LY96: variants seen among roughly 807,000 people sequenced by gnomAD.
LY96 encodes the protein myeloid differentiation protein-2.
A neutral mutation model predicts 18.9 loss-of-function variants in LY96; 18 were observed. The observed-to-expected ratio is 0.95, with a 90% CI of 0.66 to 1.41. The LOEUF is 1.41. Ranked by LOEUF, LY96 falls within the 40% of genes most tolerant of loss-of-function variation. LY96 has a pLI of 0.00. For missense variants in LY96, 175 were observed against 182.4 expected (o/e 0.96, Z 0.23); for synonymous variants, 66 against 62.6 (o/e 1.06, Z -0.26).
intron 3 of LY96, among the ~76,000 whole-genome samples, chr8:74,017,555 C>T (rs1209427666): frequency 6.6e-6 from 1 of 152,106 alleles, no homozygotes; most frequent in Non-Finnish European, 1.5e-5. Flanking sequence ...CAGAGAACAC[C>T]ACAAGGTACT....
the LY96 span, among the ~76,000 whole-genome samples, chr8:74,090,613 T>G: frequency 1.8e-4 from 27 of 152,330 alleles, no homozygotes; most frequent in African/African-American, 5.8e-4. Context: ...TATGCTTAAA[T>G]GGACAGTCTG....
intron 2 of LY96, among the ~76,000 whole-genome samples, chr8:74,005,901 G>T (rs1371549706): frequency 6.6e-6 from 1 of 152,136 alleles, no homozygotes; most frequent in East Asian, 1.9e-4. Context: ...TTTGGAGCTT[G>T]TTTTAGATTA....
At chr8:74,057,778 A>G in the LY96 span, among the ~76,000 whole-genome samples, 1 of 152,194 alleles carries the variant, frequency 6.6e-6, no homozygotes, top group Non-Finnish European at 1.5e-5. Context: ...CCAGGCTCAC[A>G]CCTGCAATTT....
At chr8:74,064,467 T>C in the LY96 span, among the ~76,000 whole-genome samples, 2 of 152,208 alleles carry the variant, frequency 1.3e-5, no homozygotes, top group Admixed American at 1.3e-4. Flanking sequence ...GCTGATTGTT[T>C]ATTTTTAAAA....
chr8:74,030,563 T>C (rs1816953399), downstream of LY96, among the ~76,000 whole-genome samples: 1 of 152,212 alleles, frequency 6.6e-6, no homozygotes, highest in African/African-American at 2.4e-5. Flanking sequence ...CCCCTCTCTC[T>C]ATATAGAGAA....
the LY96 span, among the ~76,000 whole-genome samples, chr8:74,065,001 A>G: frequency 1.3e-5 from 2 of 152,208 alleles, no homozygotes; most frequent in African/African-American, 2.4e-5. Flanking sequence ...CTAAGCCCCC[A>G]ACTGACTGAA....
At chr8:74,047,183 C>T in the LY96 span, among the ~76,000 whole-genome samples, 2 of 152,154 alleles carry the variant, frequency 1.3e-5, no homozygotes, top group Non-Finnish European at 2.9e-5. Flanking sequence ...CCACAGCGCC[C>T]GGCCCTGACC....
At chr8:73,998,757 C>T (rs187879935) in intron 1 of LY96, among the ~76,000 whole-genome samples, 1 of 152,234 alleles carries the variant, frequency 6.6e-6, no homozygotes, top group East Asian at 1.9e-4. Context: ...CTGTAGGACA[C>T]TTTGAATGGT....
At chr8:74,054,617 C>CTTCTTTCTTTCT in the LY96 span, among the ~76,000 whole-genome samples, 4,845 of 70,104 alleles carry the variant, frequency 0.069, 280 homozygotes, top group East Asian at 0.098. Context: ...TTTCCTTTTC[C>CTTCTTTCTTTCT]TTCTTTCTTT....
chr8:74,013,967 G>T (rs1307676244), intron 3 of LY96, among the ~76,000 whole-genome samples: 2 of 152,040 alleles, frequency 1.3e-5, no homozygotes, highest in African/African-American at 4.8e-5. Flanking sequence ...CAGGAGGTGG[G>T]GGTAGGCTGA....
the LY96 span, among the ~76,000 whole-genome samples, chr8:74,062,515 A>G: frequency 2.6e-5 from 4 of 151,888 alleles, no homozygotes; most frequent in East Asian, 1.9e-4. Flanking sequence ...TTGTTCCTGC[A>G]TTAGTTTGCT....
intron 1 of LY96, among the ~76,000 whole-genome samples, chr8:74,003,168 A>G (rs1232827300): frequency 1.3e-5 from 2 of 151,652 alleles, no homozygotes; most frequent in Non-Finnish European, 2.9e-5. Context: ...TTGGCCTCAC[A>G]CAGGAACATA....
At chr8:74,023,713 C>A (rs1816814049) in intron 3 of LY96, among the ~76,000 whole-genome samples, 1 of 152,140 alleles carries the variant, frequency 6.6e-6, no homozygotes, top group Admixed American at 6.6e-5. Flanking sequence ...TTTCCTCTGG[C>A]CAGCTCGAGG....
chr8:74,005,088 G>T (rs1816384789), intron 2 of LY96, among the ~76,000 whole-genome samples: 2 of 152,190 alleles, frequency 1.3e-5, no homozygotes, highest in African/African-American at 4.8e-5. Flanking sequence ...ACCTGTGTCT[G>T]CTTCAAGGTC....
the LY96 span, among the ~76,000 whole-genome samples, chr8:74,062,921 A>G: frequency 9.2e-5 from 14 of 152,364 alleles, no homozygotes; most frequent in African/African-American, 2.6e-4. Context: ...TTAGTTATCT[A>G]TAACAGCATA....
the LY96 span, among the ~76,000 whole-genome samples, chr8:74,041,989 C>G: frequency 6.6e-6 from 1 of 152,132 alleles, no homozygotes; most frequent in Admixed American, 6.5e-5. Flanking sequence ...AGGTGGGCAT[C>G]ATGGTCCTCC....
downstream of LY96, among the ~76,000 whole-genome samples, chr8:74,030,523 C>A (rs921862635): frequency 6.6e-6 from 1 of 152,152 alleles, no homozygotes; most frequent in African/African-American, 2.4e-5. Flanking sequence ...TTTATAGAAA[C>A]AAAAGGATGG....
chr8:74,038,924 G>A, the LY96 span, among the ~76,000 whole-genome samples: 2 of 152,140 alleles, frequency 1.3e-5, no homozygotes, highest in Non-Finnish European at 1.5e-5. Context: ...GTTTTTGGAG[G>A]AACTTCAAAA....
At chr8:74,078,721 A>G in the LY96 span, among the ~76,000 whole-genome samples, 1 of 152,192 alleles carries the variant, frequency 6.6e-6, no homozygotes, top group African/African-American at 2.4e-5. Flanking sequence ...GGGCAGACCC[A>G]CAGAGCTTCA....
Sources: gnomAD v4.1 joint callset for allele counts (sites outside exome capture counted in the v4.1 genomes callset) on GRCh38, gnomAD v4.1.1 for gene constraint, MANE v1.5 for transcripts, NCBI Gene and HGNC (gene_info 2026-07-23, HGNC 2026-07-21) for gene names.